ASTN2: variants seen among roughly 807,000 people sequenced by gnomAD.
ASTN2 encodes the protein astrotactin 2.
A neutral mutation model predicts 139.8 loss-of-function variants in ASTN2; 54 were observed. The observed-to-expected ratio is 0.39, with a 90% CI of 0.31 to 0.48. ASTN2 has a LOEUF of 0.48. ASTN2 is among the 20% of genes least tolerant of loss of function. The pLI, the probability that ASTN2 is intolerant of heterozygous loss-of-function variation, is 0.95. For missense variants in ASTN2, 1,565 were observed against 1,725.1 expected (o/e 0.91, Z 1.64); for synonymous variants, 756 against 719.5 (o/e 1.05, Z -0.81).
At chr9:116,556,025 C>T (rs1235241438) in intron 19 of ASTN2, among the ~76,000 whole-genome samples, 2 of 152,158 alleles carry the variant, frequency 1.3e-5, no homozygotes, top group East Asian at 3.9e-4. Flanking sequence ...AACAGCACTG[C>T]ATTCAACACT....
chr9:116,810,821 C>T (rs1831144495), intron 12 of ASTN2, among the ~76,000 whole-genome samples: 1 of 152,124 alleles, frequency 6.6e-6, no homozygotes, highest in Non-Finnish European at 1.5e-5. Context: ...ATCCCCTGGG[C>T]TCGATGGCTT....
intron 22 of ASTN2, among the ~76,000 whole-genome samples, chr9:116,438,280 C>T (rs1252107890): frequency 6.6e-6 from 1 of 152,200 alleles, no homozygotes; most frequent in Non-Finnish European, 1.5e-5. Flanking sequence ...GGATCTTTCT[C>T]CTTTAATGGT....
chr9:116,563,530 C>A (rs1020377552), intron 19 of ASTN2, among the ~76,000 whole-genome samples: 6 of 152,172 alleles, frequency 3.9e-5, no homozygotes, highest in Non-Finnish European at 7.4e-5. Flanking sequence ...CAAGGTCTTG[C>A]ACTTGCTATT....
chr9:117,106,397 G>C (rs941274308), intron 4 of ASTN2, among the ~76,000 whole-genome samples: 1 of 151,730 alleles, frequency 6.6e-6, no homozygotes, highest in Non-Finnish European at 1.5e-5. Flanking sequence ...GGATTTTGCC[G>C]TGTTGGCCAG....
At chr9:117,223,300 G>A (rs1478908704) in intron 2 of ASTN2, among the ~76,000 whole-genome samples, 1 of 152,156 alleles carries the variant, frequency 6.6e-6, no homozygotes. Context: ...TTAGGGGAGA[G>A]AGTACTGGCA....
At chr9:117,031,732 T>C (rs1381903045) in intron 6 of ASTN2, among the ~76,000 whole-genome samples, 2 of 151,958 alleles carry the variant, frequency 1.3e-5, no homozygotes, top group African/African-American at 4.8e-5. Flanking sequence ...GAAAACACCA[T>C]GTGCAAAGGG....
intron 17 of ASTN2, among the ~76,000 whole-genome samples, chr9:116,640,853 AC>A (rs1385690830): frequency 2.0e-5 from 3 of 152,198 alleles, no homozygotes; most frequent in Non-Finnish European, 2.9e-5. Flanking sequence ...TAGACAGGAG[AC>A]TATTGAAATA....
chr9:116,512,760 C>T (rs1184608335), intron 19 of ASTN2, among the ~76,000 whole-genome samples: 1 of 152,086 alleles, frequency 6.6e-6, no homozygotes, highest in Non-Finnish European at 1.5e-5. Context: ...TATGTAATGG[C>T]CTTCTTTGTC....
At chr9:116,530,561 C>T (rs1182062384) in intron 19 of ASTN2, among the ~76,000 whole-genome samples, 5 of 152,064 alleles carry the variant, frequency 3.3e-5, no homozygotes, top group African/African-American at 4.8e-5. Flanking sequence ...ACAATTTATA[C>T]ATATATCAAA....
At chr9:117,096,007 A>G in intron 5 of ASTN2, 37 bp downstream of exon 5, 1 of 1,581,844 alleles carries the variant, frequency 6.3e-7, no homozygotes, top group Non-Finnish European at 8.7e-7. Flanking sequence ...TTCCTTCTAC[A>G]AACTCTGGTT....
At chr9:116,465,462 TA>T (rs1428550891) in intron 20 of ASTN2, among the ~76,000 whole-genome samples, 1 of 152,188 alleles carries the variant, frequency 6.6e-6, no homozygotes, top group East Asian at 1.9e-4. Flanking sequence ...AGCACAAGAT[TA>T]GAAGAACACA....
At chr9:116,547,834 G>C (rs1035544364) in intron 19 of ASTN2, among the ~76,000 whole-genome samples, 2 of 152,120 alleles carry the variant, frequency 1.3e-5, no homozygotes, top group African/African-American at 4.8e-5. Flanking sequence ...CGGTTTACCT[G>C]AGCTGCCCCC....
intron 19 of ASTN2, among the ~76,000 whole-genome samples, chr9:116,509,967 T>G (rs1016957827): frequency 4.6e-5 from 7 of 152,350 alleles, no homozygotes; most frequent in Admixed American, 4.6e-4. Flanking sequence ...GTCTGTTCAC[T>G]CTGATGGTAG....
intron 5 of ASTN2, among the ~76,000 whole-genome samples, chr9:117,094,395 T>C (rs946390192): frequency 2.0e-5 from 3 of 152,100 alleles, no homozygotes; most frequent in Admixed American, 6.5e-5. Context: ...GTGATGAATG[T>C]TTTTCCAATT....
chr9:117,025,316 C>A (rs1427362802), intron 6 of ASTN2, among the ~76,000 whole-genome samples: 1 of 152,136 alleles, frequency 6.6e-6, no homozygotes, highest in Non-Finnish European at 1.5e-5. Flanking sequence ...AGCTACTTGG[C>A]AATATGCCCA....
chr9:117,149,187 T>C (rs1451119014), intron 3 of ASTN2, among the ~76,000 whole-genome samples: 2 of 151,894 alleles, frequency 1.3e-5, no homozygotes, highest in African/African-American at 2.4e-5. Context: ...GTCCGGCTAA[T>C]TTTTGTATTT....
rs531173955 is a variant in ASTN2, at chr9:116,824,057, G to C, written c.2041-3274C>G. Among the ~76,000 whole-genome samples, 5 of 152,320 alleles carry C rather than the reference G, an allele frequency of 3.3e-5. No individual in the cohort carries two copies. In the South Asian group the frequency reaches 1.0e-3, roughly 32 times the overall value. On this transcript the variant is annotated intron_variant, in intron 11 of 22. Transcript: ENST00000313400. ...AGTTGGTACTTGTTATTTGCTGAAC[G>C]AATTGGTGGAGTGCTAGAAATGACA...
intron 3 of ASTN2, among the ~76,000 whole-genome samples, chr9:117,211,779 CCAAGAAGGAAAT>C (rs1832139678): frequency 6.6e-6 from 1 of 151,806 alleles, no homozygotes; most frequent in Non-Finnish European, 1.5e-5. Context: ...GAAAAAGAAA[CCAAGAAGGAAAT>C]CCCATCTACA....
intron 19 of ASTN2, among the ~76,000 whole-genome samples, chr9:116,604,424 C>G (rs1855080042): frequency 1.3e-5 from 2 of 152,102 alleles, no homozygotes; most frequent in Non-Finnish European, 2.9e-5. Flanking sequence ...TGGGTTTATA[C>G]CTCACCCTGT....
Sources: allele counts gnomAD v4.1 joint callset (sites outside exome capture counted in the v4.1 genomes callset), GRCh38; gene constraint gnomAD v4.1.1; transcripts MANE v1.5; gene names NCBI Gene and HGNC (gene_info 2026-07-23, HGNC 2026-07-21).